SH3RF3: variants seen among roughly 807,000 people sequenced by gnomAD.
The protein encoded by SH3RF3 is E3 ubiquitin-protein ligase SH3RF3.
SH3RF3 carries 29 observed loss-of-function variants against 66.3 expected under a neutral mutation model. The ratio of observed to expected loss-of-function variants is 0.44; its 90% CI spans 0.33 to 0.60. The LOEUF (loss-of-function observed/expected upper bound fraction) is 0.60. Ranked by LOEUF, SH3RF3 falls within the 20% of genes least tolerant of loss-of-function variation. The probability of loss-of-function intolerance (pLI) is 0.04; values close to 1 mark genes in which losing one functional copy is unlikely to be tolerated. For missense variants in SH3RF3, 1,194 were observed against 1,190.9 expected, an observed-to-expected ratio of 1.00 and a Z score of -0.04; for synonymous variants, 583 against 532.0, an observed-to-expected ratio of 1.10 and a Z score of -1.32.
intron 1 of SH3RF3, among the ~76,000 whole-genome samples, chr2:109,318,514 C>T (rs974918859): frequency 1.3e-5 from 2 of 152,310 alleles, no homozygotes; most frequent in South Asian, 2.1e-4. Flanking sequence ...TTTTGGCGAC[C>T]GTGGGATAAA....
intron 1 of SH3RF3, among the ~76,000 whole-genome samples, chr2:109,212,974 AT>A: frequency 6.6e-6 from 1 of 152,338 alleles, no homozygotes; most frequent in South Asian, 2.1e-4. Flanking sequence ...CTGCCCACAC[AT>A]CCCAGGGAAG....
At chr2:109,237,910 A>G (rs1679685982) in intron 1 of SH3RF3, among the ~76,000 whole-genome samples, 1 of 152,256 alleles carries the variant, frequency 6.6e-6, no homozygotes, top group Non-Finnish European at 1.5e-5. Context: ...TATGGTATAT[A>G]AATTAACTTA....
chr2:109,501,265 T>G (rs1679377371), intron 9 of SH3RF3, among the ~76,000 whole-genome samples: 1 of 152,188 alleles, frequency 6.6e-6, no homozygotes, highest in South Asian at 2.1e-4. Flanking sequence ...CAGTCCAGCT[T>G]CTTCGTAGAT....
chr2:109,296,954 C>A (rs1473359636), intron 1 of SH3RF3, among the ~76,000 whole-genome samples: 2 of 152,248 alleles, frequency 1.3e-5, no homozygotes, highest in East Asian at 3.9e-4. Context: ...TGGGGACCTA[C>A]CCTGAGGAGC....
intron 1 of SH3RF3, among the ~76,000 whole-genome samples, chr2:109,275,326 G>A (rs1680728643): frequency 6.6e-6 from 1 of 152,160 alleles, no homozygotes; most frequent in South Asian, 2.1e-4. Context: ...AGATCACCAG[G>A]CTTCAGTTTA....
At chr2:109,358,753 A>G (rs1199214094) in intron 2 of SH3RF3, among the ~76,000 whole-genome samples, 1 of 152,244 alleles carries the variant, frequency 6.6e-6, no homozygotes, top group Non-Finnish European at 1.5e-5. Context: ...TTACCTTGAC[A>G]GTATCTTTTG....
chr2:109,206,882 C>T (rs1290313286), intron 1 of SH3RF3, among the ~76,000 whole-genome samples: 1 of 152,198 alleles, frequency 6.6e-6, no homozygotes, highest in African/African-American at 2.4e-5. Context: ...TTCTCAGTGC[C>T]CCTTCTGCCC....
At chr2:109,386,515 A>G (rs1316078750) in intron 3 of SH3RF3, among the ~76,000 whole-genome samples, 3 of 152,164 alleles carry the variant, frequency 2.0e-5, no homozygotes, top group Non-Finnish European at 4.4e-5. Flanking sequence ...TTTATTTACA[A>G]AAACCAGCGT....
At chr2:109,420,016 G>A (rs1283848777) in intron 5 of SH3RF3, among the ~76,000 whole-genome samples, 5 of 152,210 alleles carry the variant, frequency 3.3e-5, no homozygotes, top group African/African-American at 1.2e-4. Flanking sequence ...TAGTCTAGGA[G>A]CTTGGGTAGC....
intron 1 of SH3RF3, among the ~76,000 whole-genome samples, chr2:109,173,118 T>C (rs557395100): frequency 6.6e-6 from 1 of 152,396 alleles, no homozygotes; most frequent in Non-Finnish European, 1.5e-5. Context: ...TGAACATCTT[T>C]TTTTAACTCA....
chr2:109,344,509 G>A (rs1559034259), intron 1 of SH3RF3, among the ~76,000 whole-genome samples: 1 of 152,218 alleles, frequency 6.6e-6, no homozygotes, highest in African/African-American at 2.4e-5. Context: ...CGAGGAGCTC[G>A]GATCCCCTGA....
At chr2:109,293,774 C>G (rs1328070265) in intron 1 of SH3RF3, among the ~76,000 whole-genome samples, 2 of 152,228 alleles carry the variant, frequency 1.3e-5, no homozygotes, top group African/African-American at 4.8e-5. Flanking sequence ...TGCACCCTCT[C>G]CCAGCTGTAG....
chr2:109,497,107 G>A (rs1193355031), intron 9 of SH3RF3, among the ~76,000 whole-genome samples: 3 of 152,170 alleles, frequency 2.0e-5, no homozygotes, highest in Admixed American at 6.5e-5. Flanking sequence ...TCTGATGGAC[G>A]GAACTATAAT....
At chr2:109,443,612 T>C (rs182348490) in intron 7 of SH3RF3, among the ~76,000 whole-genome samples, 13 of 152,322 alleles carry the variant, frequency 8.5e-5, no homozygotes, top group African/African-American at 3.1e-4. Context: ...GTGGTTATCT[T>C]AATCAGATAG....
At chr2:109,274,608 G>T (rs1398349730) in intron 1 of SH3RF3, among the ~76,000 whole-genome samples, 1 of 152,214 alleles carries the variant, frequency 6.6e-6, no homozygotes, top group Non-Finnish European at 1.5e-5. Context: ...AAAGCAGATT[G>T]GTGGTTGCCA....
intron 1 of SH3RF3, among the ~76,000 whole-genome samples, chr2:109,331,453 A>T (rs1005362910): frequency 1.0e-3 from 158 of 152,048 alleles, no homozygotes; most frequent in Non-Finnish European, 2.9e-5. Flanking sequence ...TCTCCCTGCC[A>T]GGAGCACTTT....
intron 1 of SH3RF3, among the ~76,000 whole-genome samples, chr2:109,303,489 A>G (rs1403725667): frequency 6.6e-6 from 1 of 152,178 alleles, no homozygotes; most frequent in Non-Finnish European, 1.5e-5. Flanking sequence ...TTAAGTGAAA[A>G]TATTTTCAGG....
chr2:109,324,894 G>C (rs1682112331), intron 1 of SH3RF3, among the ~76,000 whole-genome samples: 2 of 152,214 alleles, frequency 1.3e-5, no homozygotes, highest in South Asian at 4.1e-4. Context: ...AAGGAACGGT[G>C]GAGCTGTCGC....
intron 8 of SH3RF3, among the ~76,000 whole-genome samples, chr2:109,483,709 C>G (rs958879511): frequency 2.0e-5 from 3 of 152,252 alleles, no homozygotes; most frequent in African/African-American, 4.8e-5. Flanking sequence ...AGAGCACATT[C>G]TTGTGGCTGT....
Sources: gnomAD v4.1 joint callset for allele counts (sites outside exome capture counted in the v4.1 genomes callset) on GRCh38, gnomAD v4.1.1 for gene constraint, MANE v1.5 for transcripts, NCBI Gene and HGNC (gene_info 2026-07-23, HGNC 2026-07-21) for gene names.